MTMR12: variants seen among roughly 807,000 people sequenced by gnomAD.
MTMR12 encodes the protein myotubularin-related protein 12.
Under a neutral mutation model 96.7 loss-of-function variants are expected in MTMR12, and 33 were observed. That is an observed-to-expected ratio of 0.34 (90% confidence interval 0.26 to 0.46). The LOEUF (loss-of-function observed/expected upper bound fraction) is 0.46, where lower values mean the gene tolerates loss of function less well. MTMR12 is among the 20% of genes least tolerant of loss of function. MTMR12 has a pLI of 1.00. For synonymous variants in MTMR12, 298 were observed against 327.2 expected (o/e 0.91, Z 0.96); for missense variants, 721 against 896.1 (o/e 0.80, Z 2.49).
intron 1 of MTMR12, among the ~76,000 whole-genome samples, chr5:32,297,561 T>G (rs1237071671): frequency 1.3e-5 from 2 of 152,024 alleles, no homozygotes; most frequent in Non-Finnish European, 2.9e-5. Context: ...GTTTTTTTTT[T>G]TTTTTTGAAG....
At chr5:32,243,434 C>A in intron 11 of MTMR12, 87 bp downstream of exon 11, 1 of 905,246 alleles carries the variant, frequency 1.1e-6, no homozygotes, top group South Asian at 1.5e-5. Context: ...TGTCAAATAT[C>A]AAACAGTTAA....
chr5:32,265,222 G>C (rs1749543341), intron 6 of MTMR12, among the ~76,000 whole-genome samples: 1 of 152,196 alleles, frequency 6.6e-6, no homozygotes, highest in African/African-American at 2.4e-5. Context: ...GCATCTACGA[G>C]TTATAACCTT....
At chr5:32,260,924 T>A (rs570662431) in intron 7 of MTMR12, among the ~76,000 whole-genome samples, 9 of 151,830 alleles carry the variant, frequency 5.9e-5, no homozygotes, top group African/African-American at 1.7e-4. Flanking sequence ...AAACAGATTA[T>A]ACAGTCATGC....
At chr5:32,276,534 T>C in intron 2 of MTMR12, 148 bp downstream of exon 2, 1 of 669,380 alleles carries the variant, frequency 1.5e-6, no homozygotes, top group South Asian at 2.0e-5. Context: ...GTTATTGAAC[T>C]ACAAACCTTG....
At chr5:32,282,092 C>T (rs185361380) in intron 1 of MTMR12, among the ~76,000 whole-genome samples, 4 of 152,094 alleles carry the variant, frequency 2.6e-5, no homozygotes, top group South Asian at 4.1e-4. Context: ...TCAATCATCA[C>T]GAGCATCAGG....
intron 1 of MTMR12, among the ~76,000 whole-genome samples, chr5:32,289,446 A>G (rs1337740359): frequency 6.6e-6 from 1 of 152,164 alleles, no homozygotes; most frequent in Non-Finnish European, 1.5e-5. Context: ...CAATTTACGC[A>G]GTGGATCTTT....
intron 12 of MTMR12, 140 bp from the exon 13 acceptor site, chr5:32,239,313 T>C (rs1159092090): frequency 4.6e-6 from 4 of 872,188 alleles, no homozygotes; most frequent in Non-Finnish European, 6.4e-6. Flanking sequence ...TCTTATTCCC[T>C]AAAGGCAAGG....
At chr5:32,263,263 A>C in intron 6 of MTMR12, 21 bp from the exon 7 acceptor site, 1 of 1,613,210 alleles carries the variant, frequency 6.2e-7, no homozygotes, top group South Asian at 1.1e-5. Context: ...AAAATGTAAA[A>C]GACAATAAAA....
At chr5:32,273,840 C>T (rs550737826) in intron 3 of MTMR12, 140 bp downstream of exon 3, 78 of 1,238,310 alleles carry the variant, frequency 6.3e-5, no homozygotes, top group Middle Eastern at 5.0e-4. Flanking sequence ...TCACCAAATG[C>T]AGTTCATACA....
chr5:32,311,186 T>C (rs1751579333), intron 1 of MTMR12, among the ~76,000 whole-genome samples: 1 of 152,184 alleles, frequency 6.6e-6, no homozygotes, highest in Admixed American at 6.5e-5. Flanking sequence ...ATTAAATATA[T>C]ACACCTACTA....
chr5:32,228,768 C>G lies in MTMR12; in HGVS notation c.*1010G>C, dbSNP rs1198696011. ...ACTTCTGATATTTATGTTTAAGCTG[C>G]TTTCCTATGAAAGCCACATTCAAAA... On this transcript the variant is annotated 3_prime_UTR_variant, in exon 16 of 16. Coordinates refer to ENST00000382142, the MANE Select transcript of MTMR12 (RefSeq NM_001040446.3). 6.6e-6 allele frequency: 1 copy of G among 151,668 alleles called. No individual in the cohort carries two copies. The allele number at this position is 151,668 out of a possible 1,614,324, so 9.4% of individuals were successfully genotyped here. A position where few individuals can be genotyped will look rare whatever the true frequency, so the allele number is the denominator to read the frequency against.
chr5:32,286,921 G>A (rs984168112), intron 1 of MTMR12, among the ~76,000 whole-genome samples: 2 of 151,982 alleles, frequency 1.3e-5, no homozygotes, highest in Non-Finnish European at 2.9e-5. Flanking sequence ...TCTCTTCCAC[G>A]CACAGCAAAC....
chr5:32,281,724 AC>A (rs200679900), intron 1 of MTMR12, among the ~76,000 whole-genome samples: 2,328 of 152,082 alleles, frequency 0.015, 29 homozygotes, highest in Non-Finnish European at 0.024. Flanking sequence ...ACGTGCTGAA[AC>A]CCCGTCTCTA....
chr5:32,302,105 TCCCTTC>T (rs60553066), intron 1 of MTMR12, among the ~76,000 whole-genome samples: 2,739 of 152,202 alleles, frequency 0.018, 82 homozygotes, highest in African/African-American at 0.064. Context: ...CTGAAATCCC[TCCCTTC>T]CCAAAACAAC....
chr5:32,301,956 A>C (rs1196022492), intron 1 of MTMR12, among the ~76,000 whole-genome samples: 1 of 152,166 alleles, frequency 6.6e-6, no homozygotes, highest in Non-Finnish European at 1.5e-5. Flanking sequence ...AAAAAACAAA[A>C]ACAAAAACAA....
intron 8 of MTMR12, among the ~76,000 whole-genome samples, chr5:32,251,940 C>T (rs1748942681): frequency 6.6e-6 from 1 of 152,190 alleles, no homozygotes; most frequent in African/African-American, 2.4e-5. Context: ...ATACAAAAAA[C>T]TTAAAGGGAT....
At chr5:32,262,437 C>T (rs1040845617) in intron 7 of MTMR12, among the ~76,000 whole-genome samples, 3 of 151,912 alleles carry the variant, frequency 2.0e-5, no homozygotes, top group Admixed American at 2.0e-4. Context: ...CCCATCTCTA[C>T]AAAAAGCAGA....
intron 1 of MTMR12, among the ~76,000 whole-genome samples, chr5:32,302,641 C>T (rs960336596): frequency 3.3e-5 from 5 of 151,776 alleles, no homozygotes; most frequent in African/African-American, 4.8e-5. Context: ...CGCTTGAACC[C>T]GGCAGGCGGA....
At chr5:32,251,909 C>T (rs1748941874) in intron 8 of MTMR12, among the ~76,000 whole-genome samples, 1 of 151,932 alleles carries the variant, frequency 6.6e-6, no homozygotes, top group Non-Finnish European at 1.5e-5. Context: ...GGGAAAAGGT[C>T]GTCACTGGGA....
Sources: gnomAD v4.1 joint callset for allele counts (sites outside exome capture counted in the v4.1 genomes callset) on GRCh38, gnomAD v4.1.1 for gene constraint, MANE v1.5 for transcripts, NCBI Gene and HGNC (gene_info 2026-07-23, HGNC 2026-07-21) for gene names.